The following PHF14 variants were observed in gnomAD, a reference collection of about 807,000 sequenced individuals.
The protein encoded by PHF14 is PHD finger protein 14.
Under a neutral mutation model 117.9 loss-of-function variants are expected in PHF14, and 55 were observed. The observed-to-expected ratio is 0.47, with a 90% confidence interval of 0.38 to 0.58. PHF14 has a LOEUF of 0.58. Ranked by LOEUF, PHF14 falls within the 20% of genes least tolerant of loss-of-function variation. The pLI, the probability that PHF14 is intolerant of heterozygous loss-of-function variation, is 0.00. For missense variants in PHF14, 978 were observed against 1,122.2 expected (o/e 0.87, Z 1.84); for synonymous variants, 409 against 368.6 (o/e 1.11, Z -1.26).
intron 17 of PHF14, among the ~76,000 whole-genome samples, chr7:11,115,649 C>G (rs868096858): frequency 6.6e-6 from 1 of 151,922 alleles, no homozygotes; most frequent in South Asian, 2.1e-4. Flanking sequence ...TTATTACTGT[C>G]TGATCCTCAG....
intron 16 of PHF14, among the ~76,000 whole-genome samples, chr7:11,088,531 T>C (rs1562460215): frequency 6.6e-6 from 1 of 152,242 alleles, no homozygotes; most frequent in Non-Finnish European, 1.5e-5. Context: ...TAAATGTCTT[T>C]TATAAATGTA....
Position 10,983,173 on chromosome 7 carries a change from A to G in PHF14, c.900+14A>G. 6.4e-7 allele frequency: 1 copy of G among 1,574,478 alleles called. No individual in the cohort carries two copies. Among genetic ancestry groups the G allele is most frequent in the Non-Finnish European group, 8.6e-7 (1 of 1,166,832 alleles). On this transcript the variant is annotated intron_variant, in intron 3 of 17. Transcript: ENST00000634607. ...AAGAGTAATGAGGTAGATCAACCCAATTTTTATATCTGTCTGTCTGGGGAA... is the reference window on the plus strand; with the variant it reads ...AAGAGTAATGAGGTAGATCAACCCAGTTTTTATATCTGTCTGTCTGGGGAA...
chr7:11,145,473 A>G (rs967993547), intron 17 of PHF14, among the ~76,000 whole-genome samples: 3 of 152,130 alleles, frequency 2.0e-5, no homozygotes, highest in Non-Finnish European at 4.4e-5. Flanking sequence ...CAAATTCATT[A>G]GGCAGTTACT....
chr7:11,011,895 G>GT (rs1554259627), intron 4 of PHF14, among the ~76,000 whole-genome samples: 1 of 152,094 alleles, frequency 6.6e-6, no homozygotes, highest in Non-Finnish European at 1.5e-5. Context: ...GTTCAGCATG[G>GT]TTTTTTATAG....
At chr7:11,058,705 GTATT>G (rs1785103551) in intron 14 of PHF14, among the ~76,000 whole-genome samples, 1 of 152,128 alleles carries the variant, frequency 6.6e-6, no homozygotes, top group African/African-American at 2.4e-5. Context: ...TTTAGTTTAA[GTATT>G]TACGTGCAAT....
intron 16 of PHF14, among the ~76,000 whole-genome samples, chr7:11,070,813 C>T (rs1318839681): frequency 6.6e-6 from 1 of 152,176 alleles, no homozygotes; most frequent in Non-Finnish European, 1.5e-5. Flanking sequence ...GCTGTTAATT[C>T]AGAATAAATG....
intron 3 of PHF14, among the ~76,000 whole-genome samples, chr7:10,986,104 G>A (rs1401688172): frequency 1.3e-5 from 2 of 151,732 alleles, no homozygotes; most frequent in Non-Finnish European, 2.9e-5. Flanking sequence ...GAGTAGCTGA[G>A]ACTACAGGTG....
Position 11,061,854 on chromosome 7 carries a change from T to G in PHF14, c.2532+13T>G, listed in dbSNP as rs1485183310. Reference sequence around the variant, plus strand: ...AGAAAAACATGAGGTTGGAATAAGTTAAGCACTTTTACACAGTCTTAACTT... The same window carrying G: ...AGAAAAACATGAGGTTGGAATAAGTGAAGCACTTTTACACAGTCTTAACTT... On this transcript the variant is annotated intron_variant, in intron 15 of 17. Transcript: ENST00000634607. 3.3e-6 allele frequency: 5 copies of G among 1,535,630 alleles called. No individual in the cohort carries two copies. The highest frequency in any genetic ancestry group is 8.8e-7 in the Non-Finnish European group (1 of 1,140,822).
At chr7:11,092,693 GTC>G (rs1488322522) in intron 16 of PHF14, among the ~76,000 whole-genome samples, 3 of 152,030 alleles carry the variant, frequency 2.0e-5, no homozygotes, top group Non-Finnish European at 4.4e-5. Context: ...CCTTTTTGAA[GTC>G]TCTTTTTTTT....
chr7:11,004,351 CTT>C (rs56235368), intron 4 of PHF14, among the ~76,000 whole-genome samples: 415 of 130,714 alleles, frequency 3.2e-3, no homozygotes, highest in African/African-American at 7.2e-3. Flanking sequence ...TTCTTCCAGG[CTT>C]TTTTTTTTTT....
rs148056718 is a variant in PHF14, at chr7:11,019,032, T to C, written c.1206-3836T>C. ...TATCCTTCATCCTGTTGATGTGATA[T>C]ATCATGTTGATTGACTTGCTTATGT... On this transcript the variant is annotated intron_variant, in intron 5 of 17. Coordinates refer to ENST00000634607, the MANE Select transcript of PHF14 (RefSeq NM_001007157.2). 7.2e-5 allele frequency among the ~76,000 whole-genome samples: 11 copies of C among 152,324 alleles called. No homozygotes were observed. The East Asian group carries it at 1.7e-3, about 24-fold the overall frequency.
chr7:11,050,609 T>C (rs939634895), intron 13 of PHF14, among the ~76,000 whole-genome samples: 1 of 152,178 alleles, frequency 6.6e-6, no homozygotes, highest in Non-Finnish European at 1.5e-5. Flanking sequence ...ACATTTCAAG[T>C]GCTCAGTAAC....
intron 17 of PHF14, among the ~76,000 whole-genome samples, chr7:11,151,275 G>C (rs1271519060): frequency 6.6e-6 from 1 of 151,978 alleles, no homozygotes; most frequent in Non-Finnish European, 1.5e-5. Context: ...ATAACTTCAG[G>C]CCAGGCACAG....
chr7:11,007,599 A>G (rs778139357), intron 4 of PHF14, among the ~76,000 whole-genome samples: 9 of 152,192 alleles, frequency 5.9e-5, no homozygotes, highest in Non-Finnish European at 7.3e-5. Context: ...CAGCCATGCA[A>G]TTTTTAAAAA....
chr7:11,085,711 T>C (rs906766806), intron 16 of PHF14, among the ~76,000 whole-genome samples: 1 of 152,022 alleles, frequency 6.6e-6, no homozygotes, highest in African/African-American at 2.4e-5. Flanking sequence ...GAACTGCAGG[T>C]GTGTGCCTGG....
At chr7:11,043,437 A>G (rs1013222541) in intron 13 of PHF14, among the ~76,000 whole-genome samples, 7 of 152,162 alleles carry the variant, frequency 4.6e-5, no homozygotes, top group Non-Finnish European at 8.8e-5. Context: ...GAAGGAGAAT[A>G]TAGGAAAAGG....
intron 16 of PHF14, among the ~76,000 whole-genome samples, chr7:11,098,666 G>T (rs993880015): frequency 6.6e-6 from 1 of 152,070 alleles, no homozygotes; most frequent in Non-Finnish European, 1.5e-5. Flanking sequence ...CACTGCACCC[G>T]GCTGTTCTTT....
chr7:11,155,733 G>A (rs774982851), intron 17 of PHF14, among the ~76,000 whole-genome samples: 4 of 151,860 alleles, frequency 2.6e-5, no homozygotes, highest in Admixed American at 6.6e-5. Flanking sequence ...ACTCCATAAG[G>A]CAGGGACAGT....
chr7:10,974,458 C>A (rs1781794150), intron 1 of PHF14, 134 bp downstream of exon 1: 1 of 786,646 alleles, frequency 1.3e-6, no homozygotes, highest in East Asian at 2.7e-5. Flanking sequence ...CTCCATGGTC[C>A]GCGGGAATGA....
Sources: allele counts gnomAD v4.1 joint callset (sites outside exome capture counted in the v4.1 genomes callset), GRCh38; gene constraint gnomAD v4.1.1; transcripts MANE v1.5; gene names NCBI Gene and HGNC (gene_info 2026-07-23, HGNC 2026-07-21).